CRISPLD1: variants seen among roughly 807,000 people sequenced by gnomAD.
The protein encoded by CRISPLD1 is cysteine rich secretory protein LCCL domain containing 1.
In CRISPLD1, 60 loss-of-function variants were observed where a neutral mutation model predicts 77.5. The ratio of observed to expected loss-of-function variants is 0.77; its 90% CI spans 0.63 to 0.96. The LOEUF (loss-of-function observed/expected upper bound fraction) is 0.96. Among genes scored for constraint, CRISPLD1 ranks in the 40% least tolerant of loss-of-function variants. The pLI, the probability that CRISPLD1 is intolerant of heterozygous loss-of-function variation, is 0.00. For synonymous variants in CRISPLD1, 195 were observed against 200.1 expected, an observed-to-expected ratio of 0.97 and a Z score of 0.22; for missense variants, 623 against 615.8, an observed-to-expected ratio of 1.01 and a Z score of -0.12.
intron 14 of CRISPLD1, among the ~76,000 whole-genome samples, chr8:75,031,871 C>A (rs1813354351): frequency 6.6e-6 from 1 of 151,852 alleles, no homozygotes; most frequent in Non-Finnish European, 1.5e-5. Flanking sequence ...CTGCTGAACT[C>A]TGCTGTATTA....
intron 12 of CRISPLD1, among the ~76,000 whole-genome samples, chr8:75,023,860 T>G (rs149292825): frequency 2.5e-3 from 386 of 152,278 alleles, no homozygotes; most frequent in African/African-American, 9.1e-3. Context: ...TTTGACAGTT[T>G]CTTGAACTTT....
chr8:74,997,308 T>C (rs1377040142), intron 2 of CRISPLD1, among the ~76,000 whole-genome samples: 2 of 152,120 alleles, frequency 1.3e-5, no homozygotes, highest in African/African-American at 4.8e-5. Flanking sequence ...GGATTCCCGA[T>C]GGGTTTTGCT....
intron 2 of CRISPLD1, among the ~76,000 whole-genome samples, 195 bp downstream of exon 2, chr8:74,986,440 C>A (rs974145713): frequency 6.6e-6 from 1 of 152,112 alleles, no homozygotes; most frequent in Non-Finnish European, 1.5e-5. Context: ...CAGAGTAGGA[C>A]GAAATGCCTT....
chr8:75,011,532 C>A (rs1008770841), intron 2 of CRISPLD1, among the ~76,000 whole-genome samples: 1 of 151,984 alleles, frequency 6.6e-6, no homozygotes, highest in Non-Finnish European at 1.5e-5. Flanking sequence ...TTTTTACCAG[C>A]ACACATACTA....
chr8:75,012,467 C>G lies in CRISPLD1; in HGVS notation c.293C>G (p.Ser98Cys). 1.2e-6 allele frequency: 2 copies of G among 1,612,980 alleles called. No individual in the cohort carries two copies. Among genetic ancestry groups the G allele is most frequent in the Non-Finnish European group, 1.7e-6 (2 of 1,179,214 alleles). ...WDVELERSAE[S>C]WAESCLWEHG... ...GTAGAGCTGGAAAGATCTGCAGAAT[C>G]CTGGGCTGAAAGTTGCTTGTGGGAA... The change falls in exon 3 of 15, where the codon TCC becomes TGC. Residue 98 changes from serine to cysteine, a missense_variant. Coordinates refer to ENST00000262207, the MANE Select transcript of CRISPLD1 (RefSeq NM_031461.6).
rs1169259456 is a variant in CRISPLD1 at position 75,014,150 on chromosome 8, A to G, written c.626+48A>G. ...TCAGATGTACATTTTTCTTAACAAA[A>G]TGAAAATACCTTTACGTTCCTGATT... On this transcript the variant is annotated intron_variant, in intron 5 of 14. Coordinates refer to ENST00000262207, the MANE Select transcript of CRISPLD1 (RefSeq NM_031461.6). 5.9e-6 allele frequency: 7 copies of G among 1,184,376 alleles called. No individual in the cohort carries two copies. In the African/African-American group the frequency reaches 7.6e-5, roughly 13 times the overall value. 73.4% of individuals were successfully genotyped at this position (1,184,376 alleles called of 1,614,324 possible).
intron 2 of CRISPLD1, among the ~76,000 whole-genome samples, chr8:74,992,200 A>G (rs1374201894): frequency 6.6e-6 from 1 of 152,226 alleles, no homozygotes; most frequent in African/African-American, 2.4e-5. Flanking sequence ...TTAAAATAAT[A>G]AAAGTTCTGG....
chr8:75,029,589 G>T, intron 14 of CRISPLD1, 72 bp downstream of exon 14: 1 of 1,457,402 alleles, frequency 6.9e-7, no homozygotes, highest in South Asian at 1.2e-5. Context: ...CTTTACAGTT[G>T]ACCCACTTGA....
intron 6 of CRISPLD1, among the ~76,000 whole-genome samples, chr8:75,015,963 C>T (rs955489859): frequency 2.6e-5 from 4 of 151,906 alleles, no homozygotes; most frequent in African/African-American, 9.7e-5. Context: ...CCAAAATGTG[C>T]CATTGTCAAG....
At chr8:74,996,854 A>C (rs368918170) in intron 2 of CRISPLD1, among the ~76,000 whole-genome samples, 1 of 151,300 alleles carries the variant, frequency 6.6e-6, no homozygotes, top group South Asian at 2.1e-4. Context: ...AGTAGCTGAG[A>C]CTACAGGCAC....
At chr8:75,027,563 G>A (rs1431580257) in intron 13 of CRISPLD1, among the ~76,000 whole-genome samples, 1 of 152,148 alleles carries the variant, frequency 6.6e-6, no homozygotes, top group African/African-American at 2.4e-5. Flanking sequence ...TACCCTCAGT[G>A]AAATGGCTGC....
intron 2 of CRISPLD1, among the ~76,000 whole-genome samples, chr8:75,002,145 TGTC>T (rs1812753052): frequency 6.6e-6 from 1 of 152,054 alleles, no homozygotes; most frequent in Admixed American, 6.6e-5. Context: ...TAATTCATGT[TGTC>T]TTAAATATGA....
intron 2 of CRISPLD1, 52 bp from the exon 3 acceptor site, chr8:75,012,381 A>G: frequency 3.9e-6 from 4 of 1,020,200 alleles, no homozygotes; most frequent in Non-Finnish European, 6.3e-6. Context: ...TGTGTTCTGC[A>G]GAAGTGTCCA....
chr8:74,995,315 A>G (rs1812629957), intron 2 of CRISPLD1, among the ~76,000 whole-genome samples: 1 of 152,258 alleles, frequency 6.6e-6, no homozygotes, highest in African/African-American at 2.4e-5. Flanking sequence ...AAATGCAGAT[A>G]TGACAATTTT....
intron 2 of CRISPLD1, among the ~76,000 whole-genome samples, chr8:75,001,565 G>A (rs951546230): frequency 2.0e-5 from 3 of 152,210 alleles, no homozygotes; most frequent in Non-Finnish European, 4.4e-5. Flanking sequence ...CTTCTTAAAA[G>A]AGGTATGTTT....
chr8:74,998,743 TTACTA>T (rs1455280545), intron 2 of CRISPLD1, among the ~76,000 whole-genome samples: 1 of 148,418 alleles, frequency 6.7e-6, no homozygotes, highest in Non-Finnish European at 1.5e-5. Context: ...GTGAAGAAGT[TTACTA>T]TATTATTTCA....
At chr8:75,011,592 G>C (rs1455796) in intron 2 of CRISPLD1, among the ~76,000 whole-genome samples, 107,435 of 151,914 alleles carry the variant, frequency 0.71, 39,482 homozygotes, top group African/African-American at 0.92. Flanking sequence ...CCAGGACTTG[G>C]AAAATTATTT....
chr8:75,014,789 A>G (rs1375233567), intron 5 of CRISPLD1, 23 bp from the exon 6 acceptor site: 1 of 1,527,144 alleles, frequency 6.5e-7, no homozygotes, highest in Non-Finnish European at 9.0e-7. Flanking sequence ...CTACTTTTTA[A>G]TAGAGCGTAT....
At chr8:74,995,456 C>T (rs1812632099) in intron 2 of CRISPLD1, among the ~76,000 whole-genome samples, 1 of 152,170 alleles carries the variant, frequency 6.6e-6, no homozygotes, top group African/African-American at 2.4e-5. Flanking sequence ...AAACATGCAA[C>T]ATCTCCTGTG....
Sources: allele counts gnomAD v4.1 joint callset (sites outside exome capture counted in the v4.1 genomes callset), GRCh38; gene constraint gnomAD v4.1.1; transcripts MANE v1.5; gene names NCBI Gene and HGNC (gene_info 2026-07-23, HGNC 2026-07-21).